RGS6: variants seen among roughly 807,000 people sequenced by gnomAD.
The protein encoded by RGS6 is regulator of G protein signaling 6.
Under a neutral mutation model 78.5 loss-of-function variants are expected in RGS6, and 30 were observed. That is an observed-to-expected ratio of 0.38 (90% CI 0.29 to 0.52). RGS6 has a LOEUF of 0.52. RGS6 is among the 20% of genes least tolerant of loss of function. RGS6 has a pLI of 0.85. For missense variants in RGS6, 495 were observed against 609.7 expected, an observed-to-expected ratio of 0.81 and a Z score of 1.98; for synonymous variants, 206 against 206.0, an observed-to-expected ratio of 1.00 and a Z score of 0.00.
intron 14 of RGS6, among the ~76,000 whole-genome samples, chr14:72,512,477 C>T (rs1457820846): frequency 6.6e-6 from 1 of 152,202 alleles, no homozygotes; most frequent in Non-Finnish European, 1.5e-5. Flanking sequence ...TCTGCCAGCT[C>T]CTTTCCCCAT....
At position 72,172,388 on chromosome 14, in the gene RGS6, G is replaced by T. The variant is rs142266995; in HGVS notation, c.85-179707G>T. Among the ~76,000 whole-genome samples, 434 of 151,636 alleles carry T rather than the reference G, an allele frequency of 2.9e-3. 4 individuals are homozygous for T. The highest frequency in any genetic ancestry group is 9.5e-3 in the African/African-American group (393 of 41,270). Reference sequence around the variant, plus strand: ...TAGTAAGTGATATTAGTTACTGTTTGGGGGATTACAAAAATTAGGTTGTGG... The same window carrying T: ...TAGTAAGTGATATTAGTTACTGTTTTGGGGATTACAAAAATTAGGTTGTGG... On this transcript the variant is annotated intron_variant, in intron 2 of 17. Coordinates refer to ENST00000553525, the MANE Select transcript of RGS6 (RefSeq NM_001204424.2).
chr14:71,934,589 C>A (rs2088664741), intron 1 of RGS6, among the ~76,000 whole-genome samples: 1 of 152,144 alleles, frequency 6.6e-6, no homozygotes, highest in Non-Finnish European at 1.5e-5. Context: ...GCTTTTGTGG[C>A]AGAAATGTTT....
intron 2 of RGS6, among the ~76,000 whole-genome samples, chr14:72,164,706 C>T (rs891659155): frequency 2.6e-5 from 4 of 152,158 alleles, no homozygotes; most frequent in African/African-American, 7.2e-5. Context: ...TTGCCCTCCC[C>T]TCCCCTTCTC....
chr14:72,387,498 G>A (rs564041621), intron 3 of RGS6, among the ~76,000 whole-genome samples: 8 of 151,400 alleles, frequency 5.3e-5, no homozygotes, highest in South Asian at 2.1e-4. Context: ...GCAGTGAGCC[G>A]AGATCGCACC....
At chr14:72,557,405 T>G (rs1028471256) in intron 17 of RGS6, among the ~76,000 whole-genome samples, 1 of 152,178 alleles carries the variant, frequency 6.6e-6, no homozygotes, top group African/African-American at 2.4e-5. Context: ...CTTTGCTCAG[T>G]GGAGAAGGAG....
At chr14:72,377,188 G>T (rs951724778) in intron 3 of RGS6, among the ~76,000 whole-genome samples, 7 of 152,108 alleles carry the variant, frequency 4.6e-5, no homozygotes, top group Non-Finnish European at 1.0e-4. Context: ...CAAATAGACT[G>T]AAAGTGAAGT....
chr14:72,255,254 G>A (rs1230638818), intron 2 of RGS6, among the ~76,000 whole-genome samples: 1 of 152,204 alleles, frequency 6.6e-6, no homozygotes, highest in African/African-American at 2.4e-5. Flanking sequence ...TGGCCCCAGG[G>A]TGATGAGGTA....
At chr14:72,107,320 C>G (rs928434211) in intron 2 of RGS6, among the ~76,000 whole-genome samples, 13 of 152,078 alleles carry the variant, frequency 8.5e-5, no homozygotes, top group Admixed American at 5.9e-4. Flanking sequence ...CCTATTGAAG[C>G]TCAAATTGTC....
chr14:72,573,867 G>A, the RGS6 span, among the ~76,000 whole-genome samples: 6 of 152,276 alleles, frequency 3.9e-5, no homozygotes, highest in South Asian at 6.2e-4. Context: ...ACACACGCAC[G>A]ACTGTGAGCT....
chr14:72,586,410 C>G, the RGS6 span, among the ~76,000 whole-genome samples: 1 of 152,200 alleles, frequency 6.6e-6, no homozygotes, highest in Non-Finnish European at 1.5e-5. Context: ...CGTGCTTCCT[C>G]TCCTTCCCCT....
At chr14:72,238,657 G>C (rs1193024408) in intron 2 of RGS6, among the ~76,000 whole-genome samples, 1 of 152,112 alleles carries the variant, frequency 6.6e-6, no homozygotes, top group East Asian at 1.9e-4. Flanking sequence ...CCTGTAGAGG[G>C]AGTTATTGAA....
At chr14:72,195,629 A>G (rs2039916591) in intron 2 of RGS6, among the ~76,000 whole-genome samples, 1 of 152,242 alleles carries the variant, frequency 6.6e-6, no homozygotes, top group South Asian at 2.1e-4. Flanking sequence ...AGCAAGTCAC[A>G]GCGCTCAAAG....
chr14:72,547,446 TA>T (rs764382246), intron 17 of RGS6: 2 of 867,516 alleles, frequency 2.3e-6, no homozygotes, highest in Admixed American at 2.2e-5. Context: ...TTCCCCCTTT[TA>T]AAATAGTGAT....
the RGS6 span, among the ~76,000 whole-genome samples, chr14:71,886,779 A>G: frequency 6.6e-6 from 1 of 152,226 alleles, no homozygotes; most frequent in Non-Finnish European, 1.5e-5. Flanking sequence ...GGCTTATGGA[A>G]GGGCATATCA....
intron 2 of RGS6, among the ~76,000 whole-genome samples, chr14:71,982,473 C>T (rs180904244): frequency 3.3e-4 from 50 of 152,270 alleles, no homozygotes; most frequent in Non-Finnish European, 7.1e-4. Flanking sequence ...TCAAGTCAGA[C>T]ACAAAGATTA....
chr14:72,264,517 AAAG>A lies in RGS6; in HGVS notation c.85-87573_85-87571del, dbSNP rs1395705542. ...TCCGGGAGAGGAAAGTACTCTCACC[AAAG>A]AAGATTTTTACAGAGAGAAATCAGG... is the stretch of plus-strand genomic sequence containing the variant. On this transcript the variant is annotated intron_variant, in intron 2 of 17. Transcript: ENST00000553525. Among the ~76,000 whole-genome samples the A allele has an allele frequency of 5.9e-5, 9 of 152,366 alleles. No individual in the cohort carries two copies. The South Asian group carries it at 1.9e-3, about 32-fold the overall frequency.
At chr14:72,214,122 T>G (rs2044902194) in intron 2 of RGS6, among the ~76,000 whole-genome samples, 2 of 151,990 alleles carry the variant, frequency 1.3e-5, no homozygotes, top group South Asian at 2.1e-4. Flanking sequence ...GGATAGAGTA[T>G]AATGGTGACC....
At chr14:71,931,405 T>A (rs1177362612), upstream of RGS6, among the ~76,000 whole-genome samples, 1 of 152,174 alleles carries the variant, frequency 6.6e-6, no homozygotes, top group Non-Finnish European at 1.5e-5. Context: ...CAGGTGCTAT[T>A]TGTCTATTGA....
At chr14:72,470,474 AG>A (rs2096044775) in intron 8 of RGS6, among the ~76,000 whole-genome samples, 1 of 152,278 alleles carries the variant, frequency 6.6e-6, no homozygotes, top group African/African-American at 2.4e-5. Context: ...AACAACAAGT[AG>A]CCCCTGTCTT....
Sources: allele counts gnomAD v4.1 joint callset (sites outside exome capture counted in the v4.1 genomes callset), GRCh38; gene constraint gnomAD v4.1.1; transcripts MANE v1.5; gene names NCBI Gene and HGNC (gene_info 2026-07-23, HGNC 2026-07-21).